Variants in CLVS1 observed in about 807,000 individuals in gnomAD.
CLVS1 encodes clavesin 1.
CLVS1 carries 10 observed loss-of-function variants against 33.1 expected under a neutral mutation model. The ratio of observed to expected loss-of-function variants is 0.30; its 90% CI spans 0.19 to 0.51. CLVS1 has a LOEUF of 0.51. Among genes scored for constraint, CLVS1 ranks in the 20% least tolerant of loss-of-function variants. The probability of loss-of-function intolerance (pLI) is 0.97; values close to 1 mark genes in which losing one functional copy is unlikely to be tolerated. For synonymous variants in CLVS1, 163 were observed against 166.1 expected (o/e 0.98, Z 0.14); for missense variants, 343 against 433.4 (o/e 0.79, Z 1.85).
chr8:61,001,209 A>G, the CLVS1 span, among the ~76,000 whole-genome samples: 1 of 151,330 alleles, frequency 6.6e-6, no homozygotes, highest in African/African-American at 2.4e-5. Context: ...TCTCACTTGA[A>G]CTCCTGGGCT....
At position 61,192,718 on chromosome 8, in the gene CLVS1, C is replaced by T. The variant is rs577106511; in HGVS notation, c.-152+60858C>T. Among the ~76,000 whole-genome samples, 4 of 152,264 alleles carry T rather than the reference C, an allele frequency of 2.6e-5. No individual in the cohort carries two copies. In the East Asian group the frequency reaches 5.8e-4, roughly 22 times the overall value. ...TCAAAAAGTGGGCAAAGGATATGAA[C>T]AGACTCTTCTCAAAATAAGACATTT... On this transcript the variant is annotated intron_variant, in intron 2 of 2. Coordinates refer to the CLVS1 transcript ENST00000522621.
intron 5 of CLVS1, among the ~76,000 whole-genome samples, chr8:61,494,708 A>G (rs931421889): frequency 6.6e-6 from 1 of 152,164 alleles, no homozygotes; most frequent in Non-Finnish European, 1.5e-5. Context: ...GAATCAGCCA[A>G]ATATACTGAG....
intron 2 of CLVS1, among the ~76,000 whole-genome samples, chr8:61,253,860 T>A (rs1563464111): frequency 6.6e-6 from 1 of 152,198 alleles, no homozygotes; most frequent in Admixed American, 6.5e-5. Context: ...TTGCCATGGG[T>A]TCGAACTTCC....
intron 2 of CLVS1, among the ~76,000 whole-genome samples, chr8:61,342,485 C>G (rs1173206174): frequency 6.6e-6 from 1 of 152,208 alleles, no homozygotes; most frequent in Non-Finnish European, 1.5e-5. Flanking sequence ...GCGCGCCATT[C>G]CGCTTTTCGC....
At chr8:61,184,921 A>G (rs1435486916) in intron 2 of CLVS1, among the ~76,000 whole-genome samples, 1 of 152,202 alleles carries the variant, frequency 6.6e-6, no homozygotes, top group East Asian at 1.9e-4. Context: ...ATAACATATA[A>G]TTTTTAAAGT....
At chr8:61,200,724 G>A (rs946424215) in intron 2 of CLVS1, among the ~76,000 whole-genome samples, 8 of 152,110 alleles carry the variant, frequency 5.3e-5, no homozygotes, top group Non-Finnish European at 1.2e-4. Flanking sequence ...TATCATTTGT[G>A]CCACAATTAT....
the CLVS1 span, among the ~76,000 whole-genome samples, chr8:61,035,144 G>A: frequency 6.7e-6 from 1 of 150,368 alleles, no homozygotes; most frequent in South Asian, 2.1e-4. Context: ...ACTTGAGATT[G>A]CTGCTCTTTC....
At chr8:61,179,397 AC>A (rs1310800716) in intron 2 of CLVS1, among the ~76,000 whole-genome samples, 1 of 152,174 alleles carries the variant, frequency 6.6e-6, no homozygotes, top group African/African-American at 2.4e-5. Flanking sequence ...ATAGTGGGAG[AC>A]TTTAACACCC....
the CLVS1 span, among the ~76,000 whole-genome samples, chr8:60,974,233 TC>T: frequency 5.9e-5 from 9 of 152,174 alleles, no homozygotes; most frequent in African/African-American, 2.2e-4. Context: ...ATGGGGGCAC[TC>T]CCCAAGTCCC....
At chr8:61,191,985 C>A (rs1242479987) in intron 2 of CLVS1, among the ~76,000 whole-genome samples, 1 of 152,208 alleles carries the variant, frequency 6.6e-6, no homozygotes, top group Non-Finnish European at 1.5e-5. Flanking sequence ...CCATCCCCAT[C>A]AAGCTACCAA....
upstream of CLVS1, among the ~76,000 whole-genome samples, chr8:61,052,731 G>T (rs1246194955): frequency 1.3e-5 from 2 of 152,186 alleles, no homozygotes; most frequent in Non-Finnish European, 2.9e-5. Context: ...GTGGCGTGGG[G>T]CTCTGAGGGC....
At chr8:61,197,283 C>T (rs1360670367) in intron 2 of CLVS1, among the ~76,000 whole-genome samples, 1 of 152,170 alleles carries the variant, frequency 6.6e-6, no homozygotes, top group Non-Finnish European at 1.5e-5. Context: ...AAGAGACTGT[C>T]TTCTCCCCAG....
upstream of CLVS1, among the ~76,000 whole-genome samples, chr8:61,054,715 G>A (rs7007152): frequency 0.028 from 4,257 of 152,156 alleles, 207 homozygotes; most frequent in African/African-American, 0.097. Flanking sequence ...TTGGGTCCAC[G>A]TGCAGATAAA....
At chr8:61,376,578 C>T in intron 2 of CLVS1, 27 bp from the exon 3 acceptor site, 2 of 1,605,294 alleles carry the variant, frequency 1.2e-6, no homozygotes, top group Non-Finnish European at 1.7e-6. Context: ...TATTCACACA[C>T]AGCTCTCCTT....
chr8:61,069,765 C>T (rs1343869131), intron 1 of CLVS1, among the ~76,000 whole-genome samples: 1 of 152,058 alleles, frequency 6.6e-6, no homozygotes, highest in Non-Finnish European at 1.5e-5. Context: ...TTGAGGCTTT[C>T]CTTTTTTTCT....
chr8:60,978,828 A>C, the CLVS1 span, among the ~76,000 whole-genome samples: 2 of 150,972 alleles, frequency 1.3e-5, no homozygotes, highest in Admixed American at 6.6e-5. Flanking sequence ...AAAAAAAAAA[A>C]AAAAAGAAAT....
chr8:60,986,675 T>C, the CLVS1 span, among the ~76,000 whole-genome samples: 5 of 152,254 alleles, frequency 3.3e-5, no homozygotes, highest in African/African-American at 9.6e-5. Flanking sequence ...GTTAACATGG[T>C]AAACATTACT....
intron 3 of CLVS1, among the ~76,000 whole-genome samples, chr8:61,381,784 A>C (rs1216177573): frequency 6.6e-6 from 1 of 152,150 alleles, no homozygotes; most frequent in African/African-American, 2.4e-5. Context: ...CTTTTTTTAC[A>C]GCTGCATACT....
intron 1 of CLVS1, among the ~76,000 whole-genome samples, chr8:61,078,106 C>A (rs552160898): frequency 6.6e-6 from 1 of 152,086 alleles, no homozygotes; most frequent in African/African-American, 2.4e-5. Flanking sequence ...GGTCAGGATC[C>A]GAGGCAGGCC....
Sources: gnomAD v4.1 joint callset for allele counts (sites outside exome capture counted in the v4.1 genomes callset) on GRCh38, gnomAD v4.1.1 for gene constraint, MANE v1.5 for transcripts, NCBI Gene and HGNC (gene_info 2026-07-23, HGNC 2026-07-21) for gene names.